The following ANKS1B variants were observed in gnomAD, a reference collection of about 807,000 sequenced individuals.
The protein encoded by ANKS1B is ankyrin repeat and sterile alpha motif domain containing 1B, also known as ankyrin repeat and sterile alpha motif domain-containing protein 1B.
ANKS1B carries 36 observed loss-of-function variants against 148.3 expected under a neutral mutation model. That is an observed-to-expected ratio of 0.24 (90% CI 0.19 to 0.32). The LOEUF (loss-of-function observed/expected upper bound fraction) is 0.32, where lower values mean the gene tolerates loss of function less well. Ranked by LOEUF, ANKS1B falls within the 10% of genes least tolerant of loss-of-function variation. The probability of loss-of-function intolerance (pLI) is 1.00; values close to 1 mark genes in which losing one functional copy is unlikely to be tolerated. For synonymous variants in ANKS1B, 542 were observed against 560.8 expected (o/e 0.97, Z 0.47); for missense variants, 1,157 against 1,542.6 (o/e 0.75, Z 4.19).
At chr12:99,681,341 C>T (rs992348419) in intron 8 of ANKS1B, among the ~76,000 whole-genome samples, 4 of 152,212 alleles carry the variant, frequency 2.6e-5, no homozygotes, top group African/African-American at 9.7e-5. Context: ...GGTCCTGAGT[C>T]TGTCCATGTG....
At position 99,367,136 on chromosome 12, in the gene ANKS1B, G is replaced by A. The variant is rs2092811808; in HGVS notation, c.1756+32495C>T. On this transcript the variant is annotated intron_variant, in intron 12 of 26. Coordinates refer to ENST00000683438, the MANE Select transcript of ANKS1B (RefSeq NM_001352186.2). ...CAGACATTGCCAAAAAACGTGGGGAGAGGAGTGAGGAGGGAGGCAAAATCA... is the reference window on the plus strand; with the variant it reads ...CAGACATTGCCAAAAAACGTGGGGAAAGGAGTGAGGAGGGAGGCAAAATCA... 2.0e-5 allele frequency among the ~76,000 whole-genome samples: 3 copies of A among 152,248 alleles called. No individual in the cohort carries two copies. In the South Asian group the frequency reaches 6.2e-4, roughly 32 times the overall value.
At chr12:99,440,325 T>C (rs1031401531) in intron 11 of ANKS1B, among the ~76,000 whole-genome samples, 2 of 151,836 alleles carry the variant, frequency 1.3e-5, no homozygotes, top group Admixed American at 1.3e-4. Context: ...GGAACTATTT[T>C]AAAAACAAAG....
At chr12:99,671,321 C>A (rs543790005) in intron 8 of ANKS1B, among the ~76,000 whole-genome samples, 36 of 152,066 alleles carry the variant, frequency 2.4e-4, no homozygotes, top group Admixed American at 5.2e-4. Context: ...CTGATGTTTA[C>A]GTAAATATGT....
chr12:99,751,629 A>T (rs1320263586), intron 8 of ANKS1B, among the ~76,000 whole-genome samples: 1 of 152,094 alleles, frequency 6.6e-6, no homozygotes, highest in African/African-American at 2.4e-5. Flanking sequence ...CAAAAATTGC[A>T]TATTGGTATT....
At chr12:99,695,394 C>T (rs976096459) in intron 8 of ANKS1B, among the ~76,000 whole-genome samples, 1 of 152,156 alleles carries the variant, frequency 6.6e-6, no homozygotes. Context: ...AGACAAAACT[C>T]CCACTGAACG....
intron 17 of ANKS1B, among the ~76,000 whole-genome samples, chr12:98,835,094 CTTAA>C: frequency 1.0e-5 from 1 of 96,010 alleles, no homozygotes; most frequent in South Asian, 4.9e-4. Context: ...AAGACATTTG[CTTAA>C]TTATTATTAT....
chr12:99,101,130 A>G (rs1444840835), intron 15 of ANKS1B, among the ~76,000 whole-genome samples: 2 of 152,144 alleles, frequency 1.3e-5, no homozygotes, highest in Non-Finnish European at 2.9e-5. Flanking sequence ...GGAGGGAGAG[A>G]CCAGGTAGCC....
intron 9 of ANKS1B, among the ~76,000 whole-genome samples, chr12:99,598,789 G>A (rs2097777646): frequency 6.6e-6 from 1 of 152,076 alleles, no homozygotes; most frequent in Non-Finnish European, 1.5e-5. Context: ...AGAAACAACT[G>A]TTGTATTAGT....
At chr12:99,573,148 G>C (rs1174622804) in intron 9 of ANKS1B, among the ~76,000 whole-genome samples, 4 of 152,034 alleles carry the variant, frequency 2.6e-5, no homozygotes, top group African/African-American at 9.7e-5. Context: ...AATGGAAAAT[G>C]TATTTAGGCC....
At chr12:99,640,166 C>A (rs1412651636) in intron 9 of ANKS1B, among the ~76,000 whole-genome samples, 1 of 151,892 alleles carries the variant, frequency 6.6e-6, no homozygotes, top group Non-Finnish European at 1.5e-5. Context: ...AGCAAAACTC[C>A]ATCTCAAAAT....
At position 98,830,940 on chromosome 12, in the gene ANKS1B, AT is replaced by A. The variant is rs762642387; in HGVS notation, c.2886+1088del. ...GTTCTCTTTAGTTTCCTACCTCATA[AT>A]TTTTTTTTTTTTTTTTTTTTTTTTG... On this transcript the variant is annotated intron_variant, in intron 18 of 26. Transcript: ENST00000683438. The A allele has an allele frequency of 8.9e-3, 407 of 45,514 alleles. 1 individual carries two copies. The highest frequency in any genetic ancestry group is 0.027 in the African/African-American group (346 of 12,984). The allele number at this position is 45,514 out of a possible 1,614,324, so 2.8% of individuals were successfully genotyped here. A position where few individuals can be genotyped will look rare whatever the true frequency, so the allele number is the denominator to read the frequency against.
chr12:98,748,893 CATGAGA>C (rs1403140010), intron 26 of ANKS1B, among the ~76,000 whole-genome samples: 2 of 152,292 alleles, frequency 1.3e-5, no homozygotes, highest in East Asian at 3.9e-4. Context: ...ATTCAGCCCA[CATGAGA>C]ATGAATACAA....
chr12:99,091,569 C>T (rs1348304614), intron 15 of ANKS1B, among the ~76,000 whole-genome samples: 1 of 152,118 alleles, frequency 6.6e-6, no homozygotes, highest in Non-Finnish European at 1.5e-5. Flanking sequence ...ACCCAGAGCT[C>T]CTTCAAGTAA....
chr12:99,246,883 G>T lies in ANKS1B; in HGVS notation c.1757-19C>A, dbSNP rs2153970209. The T allele has an allele frequency of 6.5e-7, 1 of 1,541,240 alleles. No individual in the cohort carries two copies. Among genetic ancestry groups the T allele is most frequent in the Non-Finnish European group, 8.7e-7 (1 of 1,153,074 alleles). ...AGGTCATCTGCAAAAGGAAGGAAGGGATATCAGGGTTTATAAAGGTTCTGA... is the reference window on the plus strand; with the variant it reads ...AGGTCATCTGCAAAAGGAAGGAAGGTATATCAGGGTTTATAAAGGTTCTGA... On this transcript the variant is annotated intron_variant, in intron 12 of 26. Transcript: ENST00000683438.
At chr12:98,978,053 C>G (rs2099900548) in intron 17 of ANKS1B, among the ~76,000 whole-genome samples, 1 of 151,960 alleles carries the variant, frequency 6.6e-6, no homozygotes, top group African/African-American at 2.4e-5. Flanking sequence ...TTGTTTTAAT[C>G]TATGTCTACA....
chr12:99,972,934 G>A (rs1160989236), intron 1 of ANKS1B, among the ~76,000 whole-genome samples: 1 of 152,160 alleles, frequency 6.6e-6, no homozygotes, highest in African/African-American at 2.4e-5. Context: ...CCTTAAAAAT[G>A]ATGCCAAATC....
At chr12:98,806,206 C>T (rs185434481) in intron 20 of ANKS1B, among the ~76,000 whole-genome samples, 45 of 152,282 alleles carry the variant, frequency 3.0e-4, no homozygotes, top group Middle Eastern at 3.4e-3. Context: ...AAAAAGTTTC[C>T]TAAGGATGTC....
At chr12:98,816,624 G>A (rs900665092) in intron 19 of ANKS1B, among the ~76,000 whole-genome samples, 1 of 152,130 alleles carries the variant, frequency 6.6e-6, no homozygotes, top group Admixed American at 6.5e-5. Context: ...AAAAATGTTT[G>A]GCACATAAGA....
intron 10 of ANKS1B, among the ~76,000 whole-genome samples, chr12:99,448,192 A>G (rs1264383560): frequency 6.6e-6 from 1 of 152,134 alleles, no homozygotes; most frequent in Non-Finnish European, 1.5e-5. Flanking sequence ...CATGGAATTA[A>G]CTTGTGTCCA....
Sources: allele counts gnomAD v4.1 joint callset (sites outside exome capture counted in the v4.1 genomes callset), GRCh38; gene constraint gnomAD v4.1.1; transcripts MANE v1.5; gene names NCBI Gene and HGNC (gene_info 2026-07-23, HGNC 2026-07-21).